Variants in RPH3A observed in about 807,000 individuals in gnomAD.
The protein encoded by RPH3A is rabphilin 3A.
Under a neutral mutation model 102.2 loss-of-function variants are expected in RPH3A, and 48 were observed. That is an observed-to-expected ratio of 0.47 (90% CI 0.37 to 0.60). RPH3A has a LOEUF of 0.60. Among genes scored for constraint, RPH3A ranks in the 20% least tolerant of loss-of-function variants. The pLI is 0.00. For missense variants in RPH3A, 781 were observed against 910.1 expected (o/e 0.86, Z 1.83); for synonymous variants, 310 against 324.3 (o/e 0.96, Z 0.47).
At chr12:112,745,308 AT>A (rs1255445804) in intron 1 of RPH3A, among the ~76,000 whole-genome samples, 10 of 152,120 alleles carry the variant, frequency 6.6e-5, no homozygotes, top group Admixed American at 5.2e-4. Context: ...TGGTTAATAC[AT>A]TTTTCCACTG....
chr12:112,692,723 C>T (rs1212125316), intron 1 of RPH3A, among the ~76,000 whole-genome samples: 3 of 152,188 alleles, frequency 2.0e-5, no homozygotes, highest in Admixed American at 6.5e-5. Flanking sequence ...AGTGATGTTC[C>T]CAGGTTACCC....
At chr12:112,702,214 A>T (rs2040399409) in intron 1 of RPH3A, among the ~76,000 whole-genome samples, 2 of 152,220 alleles carry the variant, frequency 1.3e-5, no homozygotes, top group African/African-American at 4.8e-5. Flanking sequence ...TTAGGTTTTA[A>T]AATATTCCAG....
intron 2 of RPH3A, among the ~76,000 whole-genome samples, chr12:112,794,411 T>C (rs1322368387): frequency 1.3e-5 from 2 of 152,182 alleles, no homozygotes; most frequent in Non-Finnish European, 2.9e-5. Flanking sequence ...GGAGAGGCCC[T>C]GTTTGGGGTG....
intron 1 of RPH3A, among the ~76,000 whole-genome samples, chr12:112,661,205 G>A (rs1392214205): frequency 6.6e-6 from 1 of 152,110 alleles, no homozygotes; most frequent in Non-Finnish European, 1.5e-5. Context: ...TGGTGGCTGG[G>A]AGCAGGATGA....
chr12:112,866,869 A>T, intron 7 of RPH3A, 29 bp downstream of exon 7: 1 of 1,566,722 alleles, frequency 6.4e-7, no homozygotes, highest in East Asian at 2.3e-5. Flanking sequence ...CCTGGTGCCT[A>T]GATCACCCTC....
At chr12:112,759,969 T>A (rs1192578748) in intron 1 of RPH3A, among the ~76,000 whole-genome samples, 1 of 152,156 alleles carries the variant, frequency 6.6e-6, no homozygotes, top group African/African-American at 2.4e-5. Context: ...CTGAGTCACG[T>A]CGGCTGGACC....
chr12:112,757,387 A>G (rs2040828734), intron 1 of RPH3A, among the ~76,000 whole-genome samples: 1 of 152,222 alleles, frequency 6.6e-6, no homozygotes, highest in Admixed American at 6.5e-5. Context: ...AGACCTCAGT[A>G]GGACATTCAA....
At chr12:112,617,026 A>G (rs1388338284) in intron 1 of RPH3A, among the ~76,000 whole-genome samples, 1 of 152,162 alleles carries the variant, frequency 6.6e-6, no homozygotes, top group African/African-American at 2.4e-5. Flanking sequence ...GAGCCATTTA[A>G]AAAAATACAA....
intron 5 of RPH3A, among the ~76,000 whole-genome samples, chr12:112,854,207 A>G (rs950598433): frequency 1.1e-4 from 17 of 152,332 alleles, no homozygotes; most frequent in African/African-American, 3.8e-4. Flanking sequence ...TGCAACAACT[A>G]AAAATGTCTC....
chr12:112,859,522 G>T (rs141704908), intron 5 of RPH3A, among the ~76,000 whole-genome samples: 2 of 152,164 alleles, frequency 1.3e-5, no homozygotes, highest in African/African-American at 4.8e-5. Context: ...ATCTTGGTGT[G>T]TTTCCTTCCT....
chr12:112,690,455 G>A (rs545268412), intron 1 of RPH3A, among the ~76,000 whole-genome samples: 1 of 152,292 alleles, frequency 6.6e-6, no homozygotes, highest in Middle Eastern at 3.4e-3. Context: ...GGCTCTTTTT[G>A]GTAAGCTGGG....
chr12:112,650,650 T>G (rs2039967247), intron 1 of RPH3A: 1 of 152,156 alleles, frequency 6.6e-6, no homozygotes, highest in Admixed American at 6.5e-5. Context: ...TCCCCAGTGC[T>G]GCATTCTAGT....
chr12:112,684,921 G>A (rs58269574), intron 1 of RPH3A, among the ~76,000 whole-genome samples: 4,354 of 152,154 alleles, frequency 0.029, 218 homozygotes, highest in African/African-American at 0.098. Flanking sequence ...TCTTCTCTAC[G>A]TCCCCACCTG....
intron 1 of RPH3A, among the ~76,000 whole-genome samples, chr12:112,748,430 C>A (rs1046457644): frequency 1.3e-5 from 2 of 152,130 alleles, no homozygotes; most frequent in African/African-American, 4.8e-5. Flanking sequence ...AACTCATGGA[C>A]TCAAGGGATC....
intron 1 of RPH3A, among the ~76,000 whole-genome samples, chr12:112,784,166 A>C (rs1370606375): frequency 2.0e-5 from 3 of 152,212 alleles, no homozygotes; most frequent in Non-Finnish European, 4.4e-5. Context: ...AAAATGTAGA[A>C]TCTTCCAGCA....
intron 16 of RPH3A, among the ~76,000 whole-genome samples, chr12:112,887,193 A>G (rs2043015609): frequency 6.6e-6 from 1 of 152,264 alleles, no homozygotes; most frequent in South Asian, 2.1e-4. Context: ...TCCGAAAGAC[A>G]TGAACATAAA....
intron 2 of RPH3A, among the ~76,000 whole-genome samples, chr12:112,825,748 A>C (rs7139283): frequency 0.42 from 63,147 of 152,000 alleles, 13,689 homozygotes; most frequent in Admixed American, 0.52. Context: ...CACGGCTTAC[A>C]TGTTAGCAGG....
chr12:112,753,302 A>C (rs914146143), intron 1 of RPH3A, among the ~76,000 whole-genome samples: 1 of 152,124 alleles, frequency 6.6e-6, no homozygotes, highest in Non-Finnish European at 1.5e-5. Flanking sequence ...GTCAAATCCT[A>C]TCCATTCAAT....
chr12:112,687,877 C>T (rs1345773219), intron 1 of RPH3A, among the ~76,000 whole-genome samples: 2 of 152,174 alleles, frequency 1.3e-5, no homozygotes, highest in East Asian at 1.9e-4. Context: ...CATTTCTTTG[C>T]TCATCCAAAA....
Sources: gnomAD v4.1 joint callset for allele counts (sites outside exome capture counted in the v4.1 genomes callset) on GRCh38, gnomAD v4.1.1 for gene constraint, MANE v1.5 for transcripts, NCBI Gene and HGNC (gene_info 2026-07-23, HGNC 2026-07-21) for gene names.